Variants in SLC5A1 observed in about 807,000 individuals in gnomAD.
SLC5A1 encodes solute carrier family 5 member 1.
SLC5A1 carries 42 observed loss-of-function variants against 73.5 expected under a neutral mutation model. The ratio of observed to expected loss-of-function variants is 0.57; its 90% CI spans 0.45 to 0.74. The LOEUF (loss-of-function observed/expected upper bound fraction) is 0.74, where lower values mean the gene tolerates loss of function less well. Ranked by LOEUF, SLC5A1 falls within the 30% of genes least tolerant of loss-of-function variation. The pLI is 0.00. For synonymous variants in SLC5A1, 300 were observed against 317.4 expected (o/e 0.95, Z 0.58); for missense variants, 634 against 855.4 (o/e 0.74, Z 3.23).
At position 32,096,103 on chromosome 22, in the gene SLC5A1, C is replaced by T. The variant is rs142377906; in HGVS notation, c.1281-3080C>T. ...TTCCTGGTATATTCCTGCAGTAGTTCTTGGAGCAAAAGTTCATGATGCTAG... is the reference window on the plus strand; with the variant it reads ...TTCCTGGTATATTCCTGCAGTAGTTTTTGGAGCAAAAGTTCATGATGCTAG... On this transcript the variant is annotated intron_variant, in intron 11 of 14. Coordinates refer to ENST00000266088, the MANE Select transcript of SLC5A1 (RefSeq NM_000343.4). Among the ~76,000 whole-genome samples the T allele has an allele frequency of 3.7e-4, 57 of 152,240 alleles. 1 individual carries two copies. The highest frequency in any genetic ancestry group is 1.3e-3 in the African/African-American group (55 of 41,552).
Position 32,104,826 on chromosome 22 carries a change from A to T in SLC5A1, c.1706A>T (p.Glu569Val), listed in dbSNP as rs2094042425. 6.2e-7 allele frequency: 1 copy of T among 1,614,078 alleles called. No individual in the cohort carries two copies. Among genetic ancestry groups the T allele is most frequent in the Non-Finnish European group, 8.5e-7 (1 of 1,180,008 alleles). ...TGGAGCCTGCGCAACAGCAAAGAGG[A>T]GCGTATTGACCTGGATGCGGAAGAG... Reference protein sequence around the residue: ...LCWSLRNSKEERIDLDAEEEN... With the variant: ...LCWSLRNSKEVRIDLDAEEEN... The change falls in exon 14 of 15, where the codon GAG becomes GTG. Residue 569 changes from glutamate to valine, a missense_variant. By Grantham distance (121) the Glu-to-Val change is moderately radical. Coordinates refer to ENST00000266088, the MANE Select transcript of SLC5A1 (RefSeq NM_000343.4).
rs1455643306 is a variant in SLC5A1, at chr22:32,060,156, C to T, written c.208-6779C>T. 1.6e-3 allele frequency among the ~76,000 whole-genome samples: 188 copies of T among 121,238 alleles called. 4 individuals carry two copies. Among genetic ancestry groups the T allele is most frequent in the East Asian group, 0.01 (46 of 4,444 alleles). 79.5% of individuals were successfully genotyped at this position (121,238 alleles called of 152,430 possible). A position where few individuals can be genotyped will look rare whatever the true frequency, so the allele number is the denominator to read the frequency against. On this transcript the variant is annotated intron_variant, in intron 2 of 14. Coordinates refer to ENST00000266088, the MANE Select transcript of SLC5A1 (RefSeq NM_000343.4). ...ATATATATACACATACACACACACA[C>T]ACACACACACACACACACACACACA...
rs2093945432 is a variant in SLC5A1, at chr22:32,051,813, T to C, written c.207+1799T>C. Among the ~76,000 whole-genome samples the C allele has an allele frequency of 2.0e-5, 3 of 152,368 alleles. No homozygotes were observed. In the South Asian group the frequency reaches 6.2e-4, roughly 32 times the overall value. On this transcript the variant is annotated intron_variant, in intron 2 of 14. Transcript: ENST00000266088. ...TCTAGCTTTGCTGCTATGCAATCTC[T>C]GTCACAACTATTCCACTCTGCTGTT...
chr22:32,081,791 A>C, intron 5 of SLC5A1, 75 bp from the exon 6 acceptor site: 1 of 873,304 alleles, frequency 1.1e-6, no homozygotes, highest in Non-Finnish European at 2.0e-6. Context: ...TTGGAAAATC[A>C]GGAGTAGAGA....
At chr22:32,059,210 G>C (rs983867572) in intron 2 of SLC5A1, 27 of 985,164 alleles carry the variant, frequency 2.7e-5, no homozygotes, top group Non-Finnish European at 3.0e-5. Context: ...CTGCCTGGGC[G>C]ACAGAAAAAG....
chr22:32,064,760 C>T (rs1569303816), intron 2 of SLC5A1, among the ~76,000 whole-genome samples: 1 of 152,166 alleles, frequency 6.6e-6, no homozygotes, highest in Non-Finnish European at 1.5e-5. Flanking sequence ...CTGCTGTCAC[C>T]CTAGTCCAAG....
chr22:32,053,372 CCTTTCTTCCTTCT>C (rs1196023114), intron 2 of SLC5A1, among the ~76,000 whole-genome samples: 2 of 151,860 alleles, frequency 1.3e-5, no homozygotes, highest in African/African-American at 4.8e-5. Context: ...TCCCTCCTTC[CCTTTCTTCCTTCT>C]CTTTCCCCTC....
chr22:32,085,051 G>C lies in SLC5A1; in HGVS notation c.1021+16G>C. On this transcript the variant is annotated intron_variant, in intron 9 of 14. Coordinates refer to ENST00000266088, the MANE Select transcript of SLC5A1 (RefSeq NM_000343.4). ...CTGTACACAGGTAATAACTTCTGCT[G>C]GACCCACAAACCACTCTCCCTTTTT... 1 of 1,614,028 alleles carries C rather than the reference G, an allele frequency of 6.2e-7. No individual in the cohort carries two copies. The highest frequency in any genetic ancestry group is 1.6e-4 in the Middle Eastern group (1 of 6,062).
intron 2 of SLC5A1, among the ~76,000 whole-genome samples, chr22:32,060,246 C>T (rs966595925): frequency 6.6e-5 from 10 of 151,906 alleles, no homozygotes; most frequent in South Asian, 4.2e-4. Context: ...GGCTGGAGCC[C>T]AATAGCGCGA....
At position 32,109,115 on chromosome 22, in the gene SLC5A1, A is replaced by C. The variant is rs558861052; in HGVS notation, c.1772-875A>C. 1.1e-4 allele frequency among the ~76,000 whole-genome samples: 17 copies of C among 152,274 alleles called. No homozygotes were observed. The South Asian group carries it at 3.5e-3, about 32-fold the overall frequency. The stretch of plus-strand genomic sequence containing the variant: ...TTTGAGCCCAGGAGTTCACGGCTGC[A>C]GTGAGCTATGATTACCCCACTGCAC... On this transcript the variant is annotated intron_variant, in intron 14 of 14. Coordinates refer to ENST00000266088, the MANE Select transcript of SLC5A1 (RefSeq NM_000343.4).
At chr22:32,068,689 T>C in intron 5 of SLC5A1, 89 bp downstream of exon 5, 1 of 904,192 alleles carries the variant, frequency 1.1e-6, no homozygotes, top group Non-Finnish European at 1.8e-6. Context: ...GGCGGCTCTA[T>C]ACATTTCTAT....
At chr22:32,109,751 T>TA (rs2094052846) in intron 14 of SLC5A1, among the ~76,000 whole-genome samples, 1 of 152,196 alleles carries the variant, frequency 6.6e-6, no homozygotes, top group Admixed American at 6.5e-5. Context: ...AGATAAAACT[T>TA]AGACTAGCTG....
Position 32,104,817 on chromosome 22 carries a change from G to A in SLC5A1, c.1697G>A (p.Ser566Asn), listed in dbSNP as rs1390196310. 8 of 1,614,114 alleles carry A rather than the reference G, an allele frequency of 5.0e-6. No homozygotes were observed. The highest frequency in any genetic ancestry group is 6.8e-6 in the Non-Finnish European group (8 of 1,179,998). The change falls in exon 14 of 15, where the codon AGC (serine) becomes AAC (asparagine). Residue 566 changes from serine to asparagine, a missense_variant. Transcript: ENST00000266088. ...LYRLCWSLRN[S>N]KEERIDLDAE... ...CGTCTGTGTTGGAGCCTGCGCAACA[G>A]CAAAGAGGAGCGTATTGACCTGGAT... is the stretch of plus-strand genomic sequence containing the variant.
At chr22:32,067,763 G>A (rs1421714645) in intron 3 of SLC5A1, among the ~76,000 whole-genome samples, 3 of 152,054 alleles carry the variant, frequency 2.0e-5, no homozygotes, top group Non-Finnish European at 4.4e-5. Flanking sequence ...ATGTTGATGA[G>A]CAGCCTCCTG....
intron 6 of SLC5A1, 152 bp downstream of exon 6, chr22:32,082,123 T>A: frequency 3.0e-6 from 2 of 676,302 alleles, no homozygotes; most frequent in Non-Finnish European, 5.4e-6. Flanking sequence ...TAGTACCAAC[T>A]CATAGACCCT....
At chr22:32,091,298 AACACACACACACACACAC>A (rs67059150) in intron 10 of SLC5A1, among the ~76,000 whole-genome samples, 46 of 139,056 alleles carry the variant, frequency 3.3e-4, no homozygotes, top group Admixed American at 5.1e-4. Flanking sequence ...CACATACACA[AACACACACACACACACAC>A]ACACACACAC....
At chr22:32,072,214 T>G (rs1367211837) in intron 5 of SLC5A1, among the ~76,000 whole-genome samples, 1 of 152,146 alleles carries the variant, frequency 6.6e-6, no homozygotes, top group Non-Finnish European at 1.5e-5. Flanking sequence ...CCTTCTCCCA[T>G]CCTCCACCCT....
intron 2 of SLC5A1, chr22:32,059,090 A>T: frequency 1.0e-6 from 1 of 985,370 alleles, no homozygotes; most frequent in Middle Eastern, 5.2e-4. Flanking sequence ...GTTAAGTGGA[A>T]GCAGGACTGG....
intron 2 of SLC5A1, among the ~76,000 whole-genome samples, chr22:32,065,906 A>G (rs974263309): frequency 1.6e-4 from 25 of 152,226 alleles, no homozygotes; most frequent in Admixed American, 1.4e-3. Flanking sequence ...TCTTTGGGAC[A>G]TTAGATAAGT....
Sources: allele counts gnomAD v4.1 joint callset (sites outside exome capture counted in the v4.1 genomes callset), GRCh38; gene constraint gnomAD v4.1.1; transcripts MANE v1.5; gene names NCBI Gene and HGNC (gene_info 2026-07-23, HGNC 2026-07-21).